P4HA2: variants seen among roughly 807,000 people sequenced by gnomAD.
P4HA2 encodes the protein prolyl 4-hydroxylase subunit alpha 2.
Under a neutral mutation model 76.9 loss-of-function variants are expected in P4HA2, and 46 were observed. That is an observed-to-expected ratio of 0.60 (90% CI 0.47 to 0.76). The LOEUF is 0.76. Ranked by LOEUF, P4HA2 falls within the 30% of genes least tolerant of loss-of-function variation. The pLI, the probability that P4HA2 is intolerant of heterozygous loss-of-function variation, is 0.00. For missense variants in P4HA2, 583 were observed against 669.4 expected (o/e 0.87, Z 1.42); for synonymous variants, 243 against 254.0 (o/e 0.96, Z 0.41).
intron 5 of P4HA2, among the ~76,000 whole-genome samples, chr5:132,211,995 G>A (rs575873836): frequency 1.6e-4 from 25 of 152,192 alleles, no homozygotes; most frequent in Non-Finnish European, 3.2e-4. Context: ...CTGGCACTCA[G>A]CATCCTCCCC....
At chr5:132,226,900 T>C (rs1580775435) in intron 1 of P4HA2, 1 of 152,652 alleles carries the variant, frequency 6.6e-6, no homozygotes, top group African/African-American at 2.4e-5. Flanking sequence ...CCATAAGGAA[T>C]GGCATTGGCC....
At chr5:132,224,718 G>A (rs576425554) in intron 1 of P4HA2, among the ~76,000 whole-genome samples, 1 of 152,124 alleles carries the variant, frequency 6.6e-6, no homozygotes, top group African/African-American at 2.4e-5. Flanking sequence ...CAAAAGGCGG[G>A]GGATTGGACC....
intron 8 of P4HA2, among the ~76,000 whole-genome samples, chr5:132,204,672 C>T (rs1237498948): frequency 6.6e-6 from 1 of 152,240 alleles, no homozygotes; most frequent in African/African-American, 2.4e-5. Flanking sequence ...TGCTGCACCA[C>T]CTCACACTGG....
intron 7 of P4HA2, 76 bp downstream of exon 7, chr5:132,209,062 C>T: frequency 9.2e-7 from 1 of 1,082,942 alleles, no homozygotes; most frequent in Non-Finnish European, 1.4e-6. Context: ...TAAAGAACAC[C>T]TTCCCCAAAT....
In P4HA2 at chr5:132,191,255, G is replaced by A. The variant is rs1307128272; in HGVS notation, c.*1755C>T. Among the ~76,000 whole-genome samples the A allele has an allele frequency of 6.6e-6, 1 of 152,190 alleles. No individual in the cohort carries two copies. Among genetic ancestry groups the A allele is most frequent in the Non-Finnish European group, 1.5e-5 (1 of 68,024 alleles). On this transcript the variant is annotated 3_prime_UTR_variant, in exon 15 of 15. Transcript: ENST00000360568. ...GGGCCGGGCGCGGTGGCTCACGCCT[G>A]TAATCCCAGCACTTTGGGAGGCCGA...
chr5:132,198,169 G>C (rs1351965869), intron 12 of P4HA2, 152 bp downstream of exon 12: 2 of 1,613,444 alleles, frequency 1.2e-6, no homozygotes, highest in African/African-American at 1.3e-5. Context: ...CTGGACCCAG[G>C]GTCCCCTTAG....
At chr5:132,198,201 C>T (rs373143502) in intron 12 of P4HA2, 120 bp downstream of exon 12, 8 of 1,614,158 alleles carry the variant, frequency 5.0e-6, no homozygotes, top group Non-Finnish European at 6.8e-6. Context: ...ACACATCATA[C>T]TCACGTAGTT....
chr5:132,197,979 G>A (rs1409896526), intron 12 of P4HA2: 2 of 984,538 alleles, frequency 2.0e-6, no homozygotes, highest in Non-Finnish European at 2.4e-6. Flanking sequence ...TAAACACTGG[G>A]GAAAAAAATA....
At chr5:132,202,742 A>G (rs1162794716) in intron 10 of P4HA2, 1 of 152,278 alleles carries the variant, frequency 6.6e-6, no homozygotes, top group Non-Finnish European at 1.5e-5. Flanking sequence ...GGGTGCTGCC[A>G]CATTTCTTCA....
chr5:132,217,481 T>C (rs933407275), intron 3 of P4HA2, 133 bp from the exon 4 acceptor site: 7 of 785,974 alleles, frequency 8.9e-6, no homozygotes, highest in Non-Finnish European at 1.5e-5. Flanking sequence ...GAAAAATGAA[T>C]ACAGTAACTC....
chr5:132,217,855 G>A lies in P4HA2; in HGVS notation c.83-7C>T. On this transcript the variant is annotated splice_polypyrimidine_tract_variant and splice_region_variant and intron_variant, in intron 2 of 14. Transcript: ENST00000360568. Reference sequence around the variant, plus strand: ...ATCAGGTCAGTCATGTGCCCTGCAAGGGAGAGAAGAAAGACACCAGTGAGA... The same window carrying A: ...ATCAGGTCAGTCATGTGCCCTGCAAAGGAGAGAAGAAAGACACCAGTGAGA... The A allele has an allele frequency of 1.3e-6, 2 of 1,576,830 alleles. No individual in the cohort carries two copies. Among genetic ancestry groups the A allele is most frequent in the Non-Finnish European group, 1.7e-6 (2 of 1,150,698 alleles).
intron 1 of P4HA2, among the ~76,000 whole-genome samples, chr5:132,224,359 G>C (rs1247021066): frequency 6.6e-6 from 1 of 152,226 alleles, no homozygotes; most frequent in African/African-American, 2.4e-5. Flanking sequence ...GGCTGTTGGA[G>C]GACTGAATGT....
At chr5:132,203,143 A>C (rs1362620095) in intron 10 of P4HA2, among the ~76,000 whole-genome samples, 2 of 152,220 alleles carry the variant, frequency 1.3e-5, no homozygotes, top group Non-Finnish European at 2.9e-5. Context: ...CTTAGGTAAA[A>C]CAATTCTTGT....
At chr5:132,221,705 T>C (rs1754667984) in intron 1 of P4HA2, among the ~76,000 whole-genome samples, 1 of 152,234 alleles carries the variant, frequency 6.6e-6, no homozygotes, top group African/African-American at 2.4e-5. Context: ...CTAATCTTTC[T>C]ACAAGAAATT....
chr5:132,207,574 AT>A (rs1752363516), intron 8 of P4HA2, 133 bp downstream of exon 8: 1 of 674,152 alleles, frequency 1.5e-6, no homozygotes, highest in Admixed American at 2.7e-5. Flanking sequence ...GCATCTCTGT[AT>A]CCCCACGGTA....
intron 1 of P4HA2, among the ~76,000 whole-genome samples, chr5:132,223,148 A>G (rs138150651): frequency 2.0e-5 from 3 of 152,344 alleles, no homozygotes; most frequent in African/African-American, 7.2e-5. Context: ...CTGTTGAAGT[A>G]CCAGACTGGC....
At chr5:132,217,718 A>G (rs757275409) in intron 3 of P4HA2, 34 bp downstream of exon 3, 3 of 1,280,836 alleles carry the variant, frequency 2.3e-6, no homozygotes, top group Admixed American at 3.4e-5. Flanking sequence ...AAGGGAAGGA[A>G]GGCCAACTAA....
intron 4 of P4HA2, among the ~76,000 whole-genome samples, chr5:132,216,888 C>T (rs534467692): frequency 4.6e-5 from 7 of 152,022 alleles, no homozygotes; most frequent in East Asian, 3.9e-4. Flanking sequence ...TTGTGTTTTC[C>T]GACTTTTCTA....
Position 132,191,152 on chromosome 5 carries a change from C to A in P4HA2, c.*1858G>T, listed in dbSNP as rs923149669. 6.6e-6 allele frequency among the ~76,000 whole-genome samples: 1 copy of A among 152,340 alleles called. No individual in the cohort carries two copies. Among genetic ancestry groups the A allele is most frequent in the East Asian group, 1.9e-4 (1 of 5,184 alleles). ...TTCATAAGGGCACTAATCCCACTCA[C>A]GTGGGCTCCATGCTTACGACCTCCC... On this transcript the variant is annotated 3_prime_UTR_variant, in exon 15 of 15. Transcript: ENST00000360568.
Sources: gnomAD v4.1 joint callset for allele counts (sites outside exome capture counted in the v4.1 genomes callset) on GRCh38, gnomAD v4.1.1 for gene constraint, MANE v1.5 for transcripts, NCBI Gene and HGNC (gene_info 2026-07-23, HGNC 2026-07-21) for gene names.